The following IMMP2L variants were observed in gnomAD, a reference collection of about 807,000 sequenced individuals.
IMMP2L encodes the protein inner mitochondrial membrane peptidase subunit 2.
IMMP2L carries 18 observed loss-of-function variants against 19.3 expected under a neutral mutation model. The ratio of observed to expected loss-of-function variants is 0.93; its 90% CI spans 0.64 to 1.38. The LOEUF (loss-of-function observed/expected upper bound fraction) is 1.38, where lower values mean the gene tolerates loss of function less well. Among genes scored for constraint, IMMP2L ranks in the 40% most tolerant of loss-of-function variants. The probability of loss-of-function intolerance (pLI) is 0.00; values close to 1 mark genes in which losing one functional copy is unlikely to be tolerated. For missense variants in IMMP2L, 233 were observed against 218.2 expected, an observed-to-expected ratio of 1.07 and a Z score of -0.43; for synonymous variants, 76 against 73.0, an observed-to-expected ratio of 1.04 and a Z score of -0.21.
chr7:110,863,654 A>T (rs1807686562), intron 5 of IMMP2L, among the ~76,000 whole-genome samples: 1 of 152,158 alleles, frequency 6.6e-6, no homozygotes, highest in Admixed American at 6.6e-5. Flanking sequence ...TCATGAAGTT[A>T]AAACAAACTG....
At chr7:111,444,474 G>A (rs1458098049) in intron 3 of IMMP2L, among the ~76,000 whole-genome samples, 1 of 152,006 alleles carries the variant, frequency 6.6e-6, no homozygotes, top group Non-Finnish European at 1.5e-5. Context: ...GTGCCTCTAG[G>A]GGTACAAATA....
At chr7:111,049,362 A>G (rs1792786272) in intron 3 of IMMP2L, among the ~76,000 whole-genome samples, 1 of 151,734 alleles carries the variant, frequency 6.6e-6, no homozygotes, top group African/African-American at 2.4e-5. Flanking sequence ...CGATCTCCTG[A>G]CCTCGTGATC....
intron 3 of IMMP2L, among the ~76,000 whole-genome samples, chr7:111,154,725 T>C (rs1804450666): frequency 6.6e-6 from 1 of 152,142 alleles, no homozygotes; most frequent in African/African-American, 2.4e-5. Context: ...CTAAAAATCA[T>C]TGTACATTAG....
intron 5 of IMMP2L, among the ~76,000 whole-genome samples, chr7:110,691,962 A>G (rs1290243963): frequency 6.6e-6 from 1 of 152,222 alleles, no homozygotes; most frequent in Non-Finnish European, 1.5e-5. Flanking sequence ...CTGGGTATCT[A>G]TTCGAAGGAA....
rs542633834 is a variant in IMMP2L, at chr7:110,685,469, C to T, written c.409-21748G>A. Among the ~76,000 whole-genome samples, 14 of 152,198 alleles carry T rather than the reference C, an allele frequency of 9.2e-5. No individual in the cohort carries two copies. The South Asian group carries it at 2.7e-3, about 29-fold the overall frequency. ...GGTACAGATTAAGCCTGATGTACTG[C>T]ACAACAATAATAACAAGGAATAAGG... On this transcript the variant is annotated intron_variant, in intron 5 of 5. Transcript: ENST00000405709.
At chr7:110,832,635 C>T (rs1411900032) in intron 5 of IMMP2L, among the ~76,000 whole-genome samples, 1 of 152,090 alleles carries the variant, frequency 6.6e-6, no homozygotes, top group African/African-American at 2.4e-5. Flanking sequence ...ATTTAAGTCA[C>T]ATGGATCACC....
intron 3 of IMMP2L, among the ~76,000 whole-genome samples, chr7:111,039,238 A>C (rs2129570566): frequency 6.6e-6 from 1 of 152,350 alleles, no homozygotes; most frequent in Non-Finnish European, 1.5e-5. Context: ...TCTCAAATTT[A>C]AAAGCTTAAG....
intron 3 of IMMP2L, among the ~76,000 whole-genome samples, chr7:111,077,895 T>C (rs1336703870): frequency 6.6e-6 from 1 of 152,194 alleles, no homozygotes; most frequent in Non-Finnish European, 1.5e-5. Context: ...TGCACACTGT[T>C]CTTCTGCCCG....
At chr7:111,346,579 T>C (rs751282501) in intron 3 of IMMP2L, among the ~76,000 whole-genome samples, 1 of 152,132 alleles carries the variant, frequency 6.6e-6, no homozygotes, top group Admixed American at 6.6e-5. Context: ...ATAAAATTTA[T>C]ACTTTCACTA....
At chr7:110,675,824 G>A (rs1435532729) in intron 5 of IMMP2L, among the ~76,000 whole-genome samples, 1 of 152,170 alleles carries the variant, frequency 6.6e-6, no homozygotes, top group African/African-American at 2.4e-5. Context: ...ACTTAAGAGT[G>A]AAGGGGGTTA....
At chr7:110,672,142 C>T (rs970989413) in intron 5 of IMMP2L, among the ~76,000 whole-genome samples, 3 of 152,056 alleles carry the variant, frequency 2.0e-5, no homozygotes, top group East Asian at 1.9e-4. Context: ...TTAATTGACT[C>T]ACAGTTACTG....
chr7:111,443,942 G>A (rs1042664026), intron 3 of IMMP2L, among the ~76,000 whole-genome samples: 12 of 152,062 alleles, frequency 7.9e-5, no homozygotes, highest in African/African-American at 2.7e-4. Flanking sequence ...CATACAGTAT[G>A]TGCATCTTCA....
At chr7:111,476,397 C>T (rs112213573) in intron 3 of IMMP2L, among the ~76,000 whole-genome samples, 10 of 152,050 alleles carry the variant, frequency 6.6e-5, no homozygotes, top group African/African-American at 2.2e-4. Context: ...ACATAGTAAA[C>T]GTGGTTTTAG....
At chr7:110,915,257 G>GCA (rs972128336) in intron 4 of IMMP2L, among the ~76,000 whole-genome samples, 24 of 152,012 alleles carry the variant, frequency 1.6e-4, no homozygotes, top group Non-Finnish European at 1.2e-4. Flanking sequence ...GTGCGTGCAC[G>GCA]CACACACACA....
chr7:110,879,774 A>G (rs574673680), intron 5 of IMMP2L, among the ~76,000 whole-genome samples: 58 of 152,296 alleles, frequency 3.8e-4, no homozygotes, highest in African/African-American at 1.4e-3. Flanking sequence ...TTCATTTCCC[A>G]TTCCTACATC....
intron 3 of IMMP2L, among the ~76,000 whole-genome samples, chr7:111,396,632 G>A (rs1342854800): frequency 5.3e-5 from 8 of 151,970 alleles, no homozygotes; most frequent in South Asian, 2.1e-4. Flanking sequence ...AAACCCGTAC[G>A]TTTTGCATAT....
intron 1 of IMMP2L, among the ~76,000 whole-genome samples, chr7:111,522,938 T>TATATATGTATATATATATATATA (rs199823915): frequency 6.7e-6 from 1 of 148,776 alleles, no homozygotes; most frequent in Non-Finnish European, 1.5e-5. Flanking sequence ...TATATATATA[T>TATATATGTATATATATATATATA]TATTTCACCA....
chr7:111,186,710 C>T (rs953027468), intron 3 of IMMP2L, among the ~76,000 whole-genome samples: 4 of 152,092 alleles, frequency 2.6e-5, no homozygotes, highest in Non-Finnish European at 5.9e-5. Context: ...GGATTACAGG[C>T]ATGAGCCACC....
chr7:111,335,719 A>G (rs972481721), intron 3 of IMMP2L, among the ~76,000 whole-genome samples: 1 of 152,194 alleles, frequency 6.6e-6, no homozygotes, highest in East Asian at 1.9e-4. Context: ...TACATAAACA[A>G]CATGGAAAGT....
Sources: gnomAD v4.1 joint callset for allele counts (sites outside exome capture counted in the v4.1 genomes callset) on GRCh38, gnomAD v4.1.1 for gene constraint, MANE v1.5 for transcripts, NCBI Gene and HGNC (gene_info 2026-07-23, HGNC 2026-07-21) for gene names.